The following STARD9 variants were observed in gnomAD, a reference collection of about 807,000 sequenced individuals.
STARD9 encodes the protein StAR related lipid transfer domain containing 9.
STARD9 carries 346 observed loss-of-function variants against 399.8 expected under a neutral mutation model. That is an observed-to-expected ratio of 0.87 (90% CI 0.79 to 0.95). The LOEUF is 0.95. Ranked by LOEUF, STARD9 falls within the 40% of genes least tolerant of loss-of-function variation. STARD9 has a pLI of 0.00. For missense variants in STARD9, 5,832 were observed against 5,667.5 expected, an observed-to-expected ratio of 1.03 and a Z score of -0.93; for synonymous variants, 2,203 against 2,143.5, an observed-to-expected ratio of 1.03 and a Z score of -0.77.
chr15:42,702,429 C>G (rs1408517396), intron 26 of STARD9, among the ~76,000 whole-genome samples: 2 of 152,068 alleles, frequency 1.3e-5, no homozygotes, highest in Admixed American at 6.5e-5. Flanking sequence ...GTCTCCAACT[C>G]CTGACCTCAT....
intron 3 of STARD9, among the ~76,000 whole-genome samples, chr15:42,598,792 A>G (rs893111054): frequency 6.6e-6 from 1 of 152,228 alleles, no homozygotes; most frequent in Non-Finnish European, 1.5e-5. Flanking sequence ...GTATTATTGT[A>G]TACTAGAGCT....
chr15:42,581,625 T>G (rs1415359272), intron 1 of STARD9: 1 of 642,530 alleles, frequency 1.6e-6, no homozygotes, highest in African/African-American at 1.9e-5. Flanking sequence ...CTCGTCTGGC[T>G]CCGCCCCTGC....
chr15:42,711,172 C>T (rs571668597), intron 26 of STARD9, among the ~76,000 whole-genome samples: 6 of 149,532 alleles, frequency 4.0e-5, no homozygotes, highest in African/African-American at 1.5e-4. Context: ...CAGAGTCTTG[C>T]TCTGTTACCC....
intron 3 of STARD9, among the ~76,000 whole-genome samples, chr15:42,613,069 C>G (rs146757964): frequency 4.1e-5 from 6 of 148,138 alleles, no homozygotes; most frequent in African/African-American, 1.5e-4. Flanking sequence ...CTAACTTTTT[C>G]TGGTTCCCTC....
chr15:42,652,568 C>T lies in STARD9; in HGVS notation c.678C>T (p.Ala226=), dbSNP rs1190651416. The change falls in exon 9 of 33, where the codon GCC becomes GCT. Residue 226 remains alanine, a synonymous_variant. Transcript: ENST00000290607. ...HVHEASSRSH[A]IFTIHYTQAI... ...ATGAGGCCAGCAGCAGATCCCACGC[C>T]ATTTTCACGATCCACTACACGCAGG... The T allele has an allele frequency of 2.0e-6, 3 of 1,537,098 alleles. No homozygotes were observed. The highest frequency in any genetic ancestry group is 2.6e-6 in the Non-Finnish European group (3 of 1,146,730).
At chr15:42,704,488 T>G (rs774670185) in intron 26 of STARD9, among the ~76,000 whole-genome samples, 22 of 152,224 alleles carry the variant, frequency 1.4e-4, no homozygotes, top group Non-Finnish European at 2.6e-4. Flanking sequence ...TCTGGCCTTG[T>G]TTGTACCTGT....
rs902962203 is a variant in STARD9, at chr15:42,585,653, A to G, written c.234+16A>G. 1.4e-6 allele frequency: 2 copies of G among 1,453,272 alleles called. No individual in the cohort carries two copies. The highest frequency in any genetic ancestry group is 1.9e-6 in the Non-Finnish European group (2 of 1,072,752). The allele number at this position is 1,453,272 out of a possible 1,614,324, so 90.0% of individuals were successfully genotyped here. A position where few individuals can be genotyped will look rare whatever the true frequency, so the allele number is the denominator to read the frequency against. ...TCAAGATGTGGTAATATCATTTATC[A>G]TTTTTCTTTCACCTCAGTTCTTTTT... On this transcript the variant is annotated intron_variant, in intron 3 of 32. Transcript: ENST00000290607.
intron 3 of STARD9, among the ~76,000 whole-genome samples, chr15:42,623,656 G>C (rs1283467714): frequency 1.3e-5 from 2 of 152,178 alleles, no homozygotes; most frequent in East Asian, 3.9e-4. Context: ...GGCTTTGTTC[G>C]TGTTTACCTT....
In STARD9 at chr15:42,692,180, T is replaced by C. The variant is rs2060724640; in HGVS notation, c.10602T>C (p.Asn3534=). Residue 3534 remains asparagine, a synonymous_variant, in exon 23 of 33, where the codon AAT becomes AAC. Coordinates refer to ENST00000290607, the MANE Select transcript of STARD9 (RefSeq NM_020759.3). ...ACTCCCACCTCAGCACTTACGCCAATATTTGTGATCTGTCAACCACACACA... is the reference window on the plus strand; with the variant it reads ...ACTCCCACCTCAGCACTTACGCCAACATTTGTGATCTGTCAACCACACACA... ...PFHSHLSTYA[N]ICDLSTTHSS... 1 of 1,537,024 alleles carries C rather than the reference T, an allele frequency of 6.5e-7. No homozygotes were observed. The highest frequency in any genetic ancestry group is 1.2e-5 in the South Asian group (1 of 84,054).
chr15:42,641,484 C>T (rs1054798553), intron 7 of STARD9, among the ~76,000 whole-genome samples: 9 of 151,834 alleles, frequency 5.9e-5, no homozygotes, highest in Non-Finnish European at 2.9e-5. Flanking sequence ...TCATTTACAT[C>T]GGGTATATCT....
Position 42,651,046 on chromosome 15 carries a change from A to T in STARD9, c.590A>T (p.Lys197Met). 6.5e-7 allele frequency: 1 copy of T among 1,535,092 alleles called. No homozygotes were observed. The highest frequency in any genetic ancestry group is 8.7e-7 in the Non-Finnish European group (1 of 1,145,496). Residue 197 changes from lysine (K) to methionine (M), a missense_variant, in exon 8 of 33, where the codon AAG (lysine) becomes ATG (methionine). Around this residue, in one of 2 missense-constraint regions of STARD9, gnomAD observed 5,828 missense variants for 5,651.1 expected, o/e 1.03. Coordinates refer to ENST00000290607, the MANE Select transcript of STARD9 (RefSeq NM_020759.3). ...GLSQHVVTNY[K>M]QVIQLLEEGI... ...TCTCAACATGTAGTTACCAATTATAAGCAAGTAATCCAACTCTTGGAGGAG... is the reference window on the plus strand; with the variant it reads ...TCTCAACATGTAGTTACCAATTATATGCAAGTAATCCAACTCTTGGAGGAG...
intron 1 of STARD9, chr15:42,581,593 C>T: frequency 2.6e-6 from 2 of 764,182 alleles, no homozygotes; most frequent in Non-Finnish European, 2.2e-6. Context: ...CTGCGCACTC[C>T]TCGCTCGCTT....
In STARD9 at chr15:42,719,494, T is replaced by G. The variant is rs1382996062; in HGVS notation, c.14023T>G (p.Phe4675Val). 8 of 1,536,932 alleles carry G rather than the reference T, an allele frequency of 5.2e-6. No homozygotes were observed. The East Asian group carries it at 1.7e-4, about 33-fold the overall frequency. ...LAQVELGAPG[F>V]PPQLLSSFIK... ...TCAGGTGGAACTTGGTGCTCCAGGC[T>G]TCCCACCTCAGCTCCTGAGCTCTTT... Residue 4675 changes from phenylalanine to valine, a missense_variant, in exon 33 of 33, where the codon TTC (phenylalanine) becomes GTC (valine). Around this residue, in one of 2 missense-constraint regions of STARD9, gnomAD observed 5,828 missense variants for 5,651.1 expected, o/e 1.03. Coordinates refer to ENST00000290607, the MANE Select transcript of STARD9 (RefSeq NM_020759.3).
At chr15:42,707,734 A>T (rs990413695) in intron 26 of STARD9, among the ~76,000 whole-genome samples, 13 of 152,056 alleles carry the variant, frequency 8.5e-5, no homozygotes, top group African/African-American at 3.1e-4. Flanking sequence ...GAGATATATT[A>T]CTATTTGTGA....
chr15:42,575,612 G>A lies in STARD9; in HGVS notation c.-104G>A. ...TCCGCGCGGCGGCGTCCCCAGAGGC[G>A]CGTGGGGCGGGCGGGGCTGGGTTGG... is the stretch of plus-strand genomic sequence containing the variant. On this transcript the variant is annotated 5_prime_UTR_variant, in exon 1 of 33. Transcript: ENST00000290607. 2 of 1,293,588 alleles carry A rather than the reference G, an allele frequency of 1.5e-6. No homozygotes were observed. Among genetic ancestry groups the A allele is most frequent in the South Asian group, 1.3e-5 (1 of 74,420 alleles). The allele number at this position is 1,293,588 out of a possible 1,614,324, so 80.1% of individuals were successfully genotyped here. A position where few individuals can be genotyped will look rare whatever the true frequency, so the allele number is the denominator to read the frequency against.
chr15:42,661,477 G>T (rs1351215798), intron 10 of STARD9, among the ~76,000 whole-genome samples: 1 of 151,788 alleles, frequency 6.6e-6, no homozygotes, highest in East Asian at 1.9e-4. Context: ...TTACTCTGTT[G>T]CCCAGGCTCC....
Position 42,690,867 on chromosome 15 carries a change from G to A in STARD9, c.9289G>A (p.Glu3097Lys). 6.5e-7 allele frequency: 1 copy of A among 1,537,172 alleles called. No individual in the cohort carries two copies. Among genetic ancestry groups the A allele is most frequent in the Non-Finnish European group, 8.7e-7 (1 of 1,146,898 alleles). The stretch of plus-strand genomic sequence containing the variant: ...GGTTGCTGAGAAGCAAGCAAGCACA[G>A]AACTTGAGGCTGCCTCTTTCCCTGC... ...KKVAEKQAST[E>K]LEAASFPAGM... Residue 3097 changes from glutamate (E) to lysine (K), a missense_variant, in exon 23 of 33, where the codon GAA becomes AAA. Glu to Lys is a moderately conservative substitution (Grantham distance 56). Transcript: ENST00000290607.
intron 9 of STARD9, among the ~76,000 whole-genome samples, chr15:42,652,972 C>T (rs766290116): frequency 6.6e-6 from 1 of 152,150 alleles, no homozygotes; most frequent in Non-Finnish European, 1.5e-5. Flanking sequence ...GCCATCGTTC[C>T]CGGCCCTGTT....
chr15:42,637,620 A>G (rs375265196), intron 4 of STARD9, among the ~76,000 whole-genome samples: 6 of 152,298 alleles, frequency 3.9e-5, no homozygotes, highest in African/African-American at 1.4e-4. Context: ...AGAATAATGT[A>G]ATCTTCATTG....
Sources: gnomAD v4.1 joint callset for allele counts (sites outside exome capture counted in the v4.1 genomes callset) on GRCh38, gnomAD v4.1.1 for gene constraint, gnomAD v4.1.1 regional missense constraint, MANE v1.5 for transcripts, NCBI Gene and HGNC (gene_info 2026-07-23, HGNC 2026-07-21) for gene names.